COL4A6: variants seen among roughly 807,000 people sequenced by gnomAD.
COL4A6 encodes collagen type IV alpha 6 chain, also known as collagen alpha-6(IV) chain.
Under a neutral mutation model 126.7 loss-of-function variants are expected in COL4A6, and 59 were observed. That is an observed-to-expected ratio of 0.47 (90% CI 0.38 to 0.58). The LOEUF is 0.58. Ranked by LOEUF, COL4A6 falls within the 20% of genes least tolerant of loss-of-function variation. The probability of loss-of-function intolerance (pLI) is 0.00; values close to 1 mark genes in which losing one functional copy is unlikely to be tolerated. For synonymous variants in COL4A6, 547 were observed against 496.6 expected (o/e 1.10, Z -1.35); for missense variants, 1,285 against 1,337.3 (o/e 0.96, Z 0.61).
intron 13 of COL4A6, among the ~76,000 whole-genome samples, chrX:108,201,154 G>T (rs1263246378): frequency 9.0e-6 from 1 of 111,381 alleles, no homozygotes; most frequent in Non-Finnish European, 1.9e-5. Context: ...GGCTCCACTG[G>T]CTCTGCTTTC....
chrX:108,291,102 G>GA (rs2038150220), intron 3 of COL4A6, among the ~76,000 whole-genome samples: 1 of 111,928 alleles, frequency 8.9e-6, no homozygotes, highest in African/African-American at 3.2e-5. Flanking sequence ...CTCATTCACA[G>GA]AATCAACCTA....
intron 2 of COL4A6, among the ~76,000 whole-genome samples, chrX:108,419,222 C>A (rs778894343): frequency 1.8e-5 from 2 of 112,088 alleles, no homozygotes; most frequent in East Asian, 5.6e-4. Context: ...TGGAACATTG[C>A]CTGACATTCT....
intron 3 of COL4A6, chrX:108,268,851 A>G (rs1171009230): frequency 7.3e-6 from 1 of 136,513 alleles, no homozygotes; most frequent in Non-Finnish European, 1.5e-5. Context: ...CTTTTTTTAC[A>G]ATCTTATCCC....
intron 2 of COL4A6, among the ~76,000 whole-genome samples, chrX:108,347,622 C>T (rs1286819898): frequency 1.8e-5 from 2 of 111,082 alleles, no homozygotes; most frequent in Non-Finnish European, 3.8e-5. Flanking sequence ...GGCCACTATT[C>T]CCCAACTTAT....
At chrX:108,284,713 T>A (rs2037958503) in intron 3 of COL4A6, among the ~76,000 whole-genome samples, 1 of 112,239 alleles carries the variant, frequency 8.9e-6, no homozygotes, top group Admixed American at 9.4e-5. Flanking sequence ...TGTTTGCAAT[T>A]TACAGTATTA....
intron 2 of COL4A6, among the ~76,000 whole-genome samples, chrX:108,366,714 T>C (rs2040205131): frequency 8.9e-6 from 1 of 112,121 alleles, no homozygotes; most frequent in Non-Finnish European, 1.9e-5. Context: ...GAGGCCTTGC[T>C]ATTGTAGTTT....
chrX:108,282,000 A>G (rs182453078), intron 3 of COL4A6, among the ~76,000 whole-genome samples: 156 of 110,783 alleles, frequency 1.4e-3, no homozygotes, highest in Non-Finnish European at 2.0e-3. Context: ...TTAATTCGAG[A>G]TGGATTAAAG....
At chrX:108,428,039 G>C (rs1311843749) in intron 2 of COL4A6, among the ~76,000 whole-genome samples, 1 of 111,259 alleles carries the variant, frequency 9.0e-6, no homozygotes, top group Non-Finnish European at 1.9e-5. Context: ...GAGATGAGGG[G>C]GACAACTGAG....
chrX:108,236,937 C>T (rs1048229487), intron 3 of COL4A6, among the ~76,000 whole-genome samples: 2 of 111,994 alleles, frequency 1.8e-5, no homozygotes, highest in Non-Finnish European at 3.8e-5. Flanking sequence ...CCTTCATCAT[C>T]GTCTTCACTG....
At chrX:108,351,818 AACAT>A (rs2039854586) in intron 2 of COL4A6, among the ~76,000 whole-genome samples, 1 of 111,702 alleles carries the variant, frequency 9.0e-6, no homozygotes, top group Non-Finnish European at 1.9e-5. Context: ...AGCAGCAAGA[AACAT>A]AAATTAAACA....
At chrX:108,216,650 AC>A (rs2035863926) in intron 5 of COL4A6, among the ~76,000 whole-genome samples, 1 of 112,363 alleles carries the variant, frequency 8.9e-6, no homozygotes, top group South Asian at 3.7e-4. Flanking sequence ...GTGTGTGCCA[AC>A]CCTCCAAGAG....
intron 2 of COL4A6, among the ~76,000 whole-genome samples, chrX:108,325,730 A>T (rs779984623): frequency 9.0e-6 from 1 of 110,688 alleles, no homozygotes; most frequent in Admixed American, 9.6e-5. Flanking sequence ...GACCAAGTTC[A>T]GTTTATTCCA....
chrX:108,426,322 G>C (rs1225315481), intron 2 of COL4A6, among the ~76,000 whole-genome samples: 1 of 112,006 alleles, frequency 8.9e-6, no homozygotes, highest in Non-Finnish European at 1.9e-5. Flanking sequence ...AGACAATTCT[G>C]GGAAAGCTTG....
chrX:108,383,244 A>G (rs1014902194), intron 2 of COL4A6, among the ~76,000 whole-genome samples: 10 of 111,420 alleles, frequency 9.0e-5, no homozygotes, highest in African/African-American at 1.6e-4. Context: ...AAATAAAATC[A>G]GACATAATTG....
intron 2 of COL4A6, among the ~76,000 whole-genome samples, chrX:108,424,409 A>C (rs2064035261): frequency 8.9e-6 from 1 of 112,151 alleles, no homozygotes; most frequent in Non-Finnish European, 1.9e-5. Context: ...GTTTTTCTAG[A>C]AGTTTTCTTT....
intron 3 of COL4A6, among the ~76,000 whole-genome samples, chrX:108,229,743 A>G (rs1303139404): frequency 1.8e-5 from 2 of 112,172 alleles, no homozygotes; most frequent in African/African-American, 3.2e-5. Context: ...TTCCTTTATC[A>G]CTATGACTTA....
chrX:108,204,160 G>T (rs932257099), intron 12 of COL4A6, among the ~76,000 whole-genome samples, 160 bp downstream of exon 12: 1 of 111,180 alleles, frequency 9.0e-6, no homozygotes, highest in African/African-American at 3.3e-5. Flanking sequence ...TTTCATAAGG[G>T]GCAAAACAAA....
chrX:108,175,520 C>T, intron 29 of COL4A6, 134 bp downstream of exon 29: 1 of 753,246 alleles, frequency 1.3e-6, no homozygotes, highest in Non-Finnish European at 1.9e-6. Flanking sequence ...TTTAAAAGGA[C>T]TTAATTCAGA....
At chrX:108,284,983 C>T (rs1216010969) in intron 3 of COL4A6, among the ~76,000 whole-genome samples, 2 of 111,622 alleles carry the variant, frequency 1.8e-5, no homozygotes, top group African/African-American at 6.5e-5. Context: ...ACTTTCTACC[C>T]CTATCCTTCC....
Sources: gnomAD v4.1 joint callset for allele counts (sites outside exome capture counted in the v4.1 genomes callset) on GRCh38, gnomAD v4.1.1 for gene constraint, MANE v1.5 for transcripts, NCBI Gene and HGNC (gene_info 2026-07-23, HGNC 2026-07-21) for gene names.